Variants in HDAC9 observed in about 807,000 individuals in gnomAD.
HDAC9 encodes histone deacetylase 9, also known as MEF-2 interacting transcription repressor (MITR) protein.
In HDAC9, 41 loss-of-function variants were observed where a neutral mutation model predicts 139.4. The ratio of observed to expected loss-of-function variants is 0.29; its 90% CI spans 0.23 to 0.38. The LOEUF is 0.38. HDAC9 is among the 10% of genes least tolerant of loss of function. The pLI, the probability that HDAC9 is intolerant of heterozygous loss-of-function variation, is 1.00. For missense variants in HDAC9, 1,147 were observed against 1,297.0 expected, an observed-to-expected ratio of 0.88 and a Z score of 1.78; for synonymous variants, 517 against 476.2, an observed-to-expected ratio of 1.09 and a Z score of -1.12.
At chr7:18,646,455 A>G (rs1337206140) in intron 9 of HDAC9, among the ~76,000 whole-genome samples, 1 of 152,146 alleles carries the variant, frequency 6.6e-6, no homozygotes, top group Non-Finnish European at 1.5e-5. Context: ...GGCCATCACA[A>G]TTAATTTTTC....
upstream of HDAC9, among the ~76,000 whole-genome samples, chr7:18,494,970 A>T (rs534710157): frequency 3.5e-4 from 54 of 152,200 alleles, no homozygotes; most frequent in African/African-American, 1.2e-3. Flanking sequence ...TTGTTTATAG[A>T]TATAGTACTA....
chr7:18,643,767 T>TAAAC (rs1786477244), intron 8 of HDAC9, among the ~76,000 whole-genome samples: 1 of 152,120 alleles, frequency 6.6e-6, no homozygotes, highest in South Asian at 2.1e-4. Flanking sequence ...ATATGCTTTT[T>TAAAC]GTTTGGGAAG....
intron 24 of HDAC9, among the ~76,000 whole-genome samples, chr7:18,974,264 C>T (rs186395552): frequency 2.6e-4 from 40 of 152,312 alleles, no homozygotes; most frequent in African/African-American, 9.4e-4. Flanking sequence ...AGCACATTTG[C>T]ACTCTAATTT....
At position 18,609,608 on chromosome 7, in the gene HDAC9, A is replaced by G. The variant is rs143208242; in HGVS notation, c.664+15579A>G. 3.3e-3 allele frequency among the ~76,000 whole-genome samples: 502 copies of G among 152,290 alleles called. 2 individuals carry two copies. The highest frequency in any genetic ancestry group is 0.01 in the Middle Eastern group (3 of 294). Reference sequence around the variant, plus strand: ...AGTGTCTAAACAGAATTATATTTTCAGAACTCGTTAATTTTTTAAATATAT... The same window carrying G: ...AGTGTCTAAACAGAATTATATTTTCGGAACTCGTTAATTTTTTAAATATAT... On this transcript the variant is annotated intron_variant, in intron 6 of 25. Transcript: ENST00000686413.
chr7:18,482,606 A>T (rs1312618071), intron 1 of HDAC9, among the ~76,000 whole-genome samples: 1 of 152,120 alleles, frequency 6.6e-6, no homozygotes, highest in Admixed American at 6.5e-5. Context: ...GGATTAAAAC[A>T]TAAATTAAGA....
chr7:18,996,003 T>C lies in HDAC9; in HGVS notation c.3171-20T>C. 1.9e-6 allele frequency: 3 copies of C among 1,585,350 alleles called. No homozygotes were observed. The highest frequency in any genetic ancestry group is 8.6e-7 in the Non-Finnish European group (1 of 1,163,860). The stretch of plus-strand genomic sequence containing the variant: ...TGTGTACTCTTATGCCGTATTCTGA[T>C]TGCCTGTTTATTTTTACAGAACTGC... On this transcript the variant is annotated intron_variant, in intron 25 of 25. Coordinates refer to ENST00000686413, the MANE Select transcript of HDAC9 (RefSeq NM_178425.4).
At chr7:18,593,140 TAA>T (rs902957814) in intron 5 of HDAC9, among the ~76,000 whole-genome samples, 1 of 152,066 alleles carries the variant, frequency 6.6e-6, no homozygotes, top group African/African-American at 2.4e-5. Context: ...CTTAAACCAA[TAA>T]AGTCTTAAGA....
rs555957310 is a variant in HDAC9, at chr7:18,677,725, G to C, written c.1731+11249G>C. Among the ~76,000 whole-genome samples the C allele has an allele frequency of 2.0e-3, 304 of 151,874 alleles. 5 individuals are homozygous for C. The highest frequency in any genetic ancestry group is 6.3e-4 in the Non-Finnish European group (43 of 67,818). On this transcript the variant is annotated intron_variant, in intron 12 of 25. Transcript: ENST00000686413. ...ATTGAGGCATGTCTTTTTATTGTTG[G>C]TTATCAAATTATATATTTTGGATAC...
intron 6 of HDAC9, among the ~76,000 whole-genome samples, chr7:18,607,862 C>T (rs1162953882): frequency 2.0e-5 from 3 of 152,066 alleles, no homozygotes; most frequent in African/African-American, 7.2e-5. Context: ...CATGCTTTTG[C>T]ACAGTGGTAT....
intron 17 of HDAC9, among the ~76,000 whole-genome samples, chr7:18,795,736 T>G (rs986692536): frequency 5.9e-5 from 9 of 152,170 alleles, no homozygotes; most frequent in Non-Finnish European, 1.0e-4. Context: ...CACAAATGAT[T>G]TGGAGCCATA....
intron 13 of HDAC9, among the ~76,000 whole-genome samples, chr7:18,741,672 T>C (rs1787470574): frequency 6.6e-6 from 1 of 152,208 alleles, no homozygotes; most frequent in African/African-American, 2.4e-5. Context: ...AGAAATACAT[T>C]CTATAAGGCT....
intron 1 of HDAC9, among the ~76,000 whole-genome samples, chr7:18,346,743 A>G (rs1245798911): frequency 6.6e-6 from 1 of 152,154 alleles, no homozygotes; most frequent in Non-Finnish European, 1.5e-5. Context: ...CACAATTACA[A>G]TAGACACTGG....
At chr7:18,926,328 C>G (rs1342149362) in intron 22 of HDAC9, among the ~76,000 whole-genome samples, 1 of 152,136 alleles carries the variant, frequency 6.6e-6, no homozygotes, top group Non-Finnish European at 1.5e-5. Context: ...GCCTGGATGA[C>G]AGAGTGAGAC....
intron 17 of HDAC9, among the ~76,000 whole-genome samples, chr7:18,797,652 A>G (rs1326390521): frequency 1.3e-5 from 2 of 151,854 alleles, no homozygotes; most frequent in African/African-American, 4.8e-5. Flanking sequence ...ACGTGGCAAA[A>G]CCCCGTGCTC....
Position 18,733,982 on chromosome 7 carries a change from C to T in HDAC9, c.1909+6225C>T, listed in dbSNP as rs1419957521. On this transcript the variant is annotated intron_variant, in intron 13 of 25. Transcript: ENST00000686413. Reference sequence around the variant, plus strand: ...TCTTTGTGATAAACATTTGCAATTACTTATCAATGCACAAATTTTTTTCTA... The same window carrying T: ...TCTTTGTGATAAACATTTGCAATTATTTATCAATGCACAAATTTTTTTCTA... 3.9e-5 allele frequency among the ~76,000 whole-genome samples: 6 copies of T among 152,264 alleles called. No individual in the cohort carries two copies. The South Asian group carries it at 1.0e-3, about 26-fold the overall frequency.
At chr7:18,692,753 T>A (rs1332776052) in intron 12 of HDAC9, among the ~76,000 whole-genome samples, 1 of 152,118 alleles carries the variant, frequency 6.6e-6, no homozygotes, top group Non-Finnish European at 1.5e-5. Flanking sequence ...CAATCTAATG[T>A]CTTTCGCCAG....
chr7:18,932,608 G>A (rs11975390), intron 22 of HDAC9, among the ~76,000 whole-genome samples: 1 of 151,752 alleles, frequency 6.6e-6, no homozygotes, highest in Non-Finnish European at 1.5e-5. Context: ...GAAGGGGAGG[G>A]AATTTAACTG....
At chr7:18,964,754 A>G (rs1783739852) in intron 24 of HDAC9, among the ~76,000 whole-genome samples, 2 of 152,140 alleles carry the variant, frequency 1.3e-5, no homozygotes, top group Admixed American at 1.3e-4. Context: ...ACATAAAACC[A>G]TCAGATCTCC....
intron 13 of HDAC9, among the ~76,000 whole-genome samples, chr7:18,735,223 G>T (rs1435800108): frequency 6.6e-6 from 1 of 152,190 alleles, no homozygotes; most frequent in Non-Finnish European, 1.5e-5. Context: ...TTGCCAGGCA[G>T]AAGCTTTTTA....
Sources: allele counts gnomAD v4.1 joint callset (sites outside exome capture counted in the v4.1 genomes callset), GRCh38; gene constraint gnomAD v4.1.1; transcripts MANE v1.5; gene names NCBI Gene and HGNC (gene_info 2026-07-23, HGNC 2026-07-21).